Variants in TLDC2 observed in about 807,000 individuals in gnomAD.
TLDC2 encodes the protein TBC/LysM-associated domain containing 2.
TLDC2 carries 23 observed loss-of-function variants against 27.9 expected under a neutral mutation model. That is an observed-to-expected ratio of 0.82 (90% CI 0.59 to 1.17). The LOEUF (loss-of-function observed/expected upper bound fraction) is 1.17. Ranked by LOEUF, TLDC2 falls within the 50% of genes most tolerant of loss-of-function variation. TLDC2 has a pLI of 0.00. For synonymous variants in TLDC2, 124 were observed against 107.4 expected (o/e 1.16, Z -0.96); for missense variants, 286 against 273.4 (o/e 1.05, Z -0.32).
rs963206349 is a variant in TLDC2, at chr20:36,880,665, C to G, written c.353C>G (p.Ala118Gly). The stretch of plus-strand genomic sequence containing the variant: ...ACTTCCACTTTCCAGATATTTGGAG[C>G]CTTCTCCTCCTCGGCTATCCGACTC... ...LRDQDGQIFG[A>G]FSSSAIRLSK... The change falls in exon 4 of 7, where the codon GCC becomes GGC. Residue 118 changes from alanine to glycine, a missense_variant. Physicochemically the swap from Ala to Gly is moderately conservative, Grantham distance 60. Transcript: ENST00000217320. 9.3e-6 allele frequency: 15 copies of G among 1,614,090 alleles called. No homozygotes were observed. In the Middle Eastern group the frequency reaches 4.9e-4, roughly 53 times the overall value.
intron 4 of TLDC2, among the ~76,000 whole-genome samples, chr20:36,883,419 G>A (rs546235254): frequency 1.1e-4 from 17 of 152,184 alleles, no homozygotes; most frequent in African/African-American, 3.9e-4. Context: ...TTACAGACAT[G>A]AGTGCTGCAT....
At chr20:36,885,001 C>T (rs976012536) in intron 4 of TLDC2, among the ~76,000 whole-genome samples, 2 of 150,758 alleles carry the variant, frequency 1.3e-5, no homozygotes, top group Non-Finnish European at 2.9e-5. Context: ...GCCTCAGCCT[C>T]CCGAGTAGCT....
At position 36,887,432 on chromosome 20, in the gene TLDC2, G is replaced by C. The variant is rs753197793; in HGVS notation, c.439-23G>C. 3.7e-6 allele frequency: 6 copies of C among 1,607,616 alleles called. No homozygotes were observed. The Admixed American group carries it at 1.0e-4, about 27-fold the overall frequency. ...GGGACTCGCTCGCTTAGTAACCTGAGCCTTTCCCTATGTATCACCCAGGTC... is the reference window on the plus strand; with the variant it reads ...GGGACTCGCTCGCTTAGTAACCTGACCCTTTCCCTATGTATCACCCAGGTC... On this transcript the variant is annotated intron_variant, in intron 4 of 6. Transcript: ENST00000217320.
chr20:36,884,087 C>G (rs952370104), intron 4 of TLDC2, among the ~76,000 whole-genome samples: 5 of 151,304 alleles, frequency 3.3e-5, no homozygotes, highest in Admixed American at 3.3e-4. Flanking sequence ...GAGTGAGACT[C>G]TGTCTTAAAC....
Position 36,876,165 on chromosome 20 carries a change from G to A in TLDC2, c.-10G>A. The A allele has an allele frequency of 6.2e-7, 1 of 1,614,162 alleles. No homozygotes were observed. Among genetic ancestry groups the A allele is most frequent in the East Asian group, 2.2e-5 (1 of 44,882 alleles). ...TCACTGCCCACGGCCGGCTGAGCAG[G>A]GACAGGAGAATGAGAGGCCTCCGCT... On this transcript the variant is annotated 5_prime_UTR_variant, in exon 1 of 7. Coordinates refer to ENST00000217320, the MANE Select transcript of TLDC2 (RefSeq NM_080628.3).
intron 6 of TLDC2, chr20:36,892,484 T>C (rs1990099726): frequency 5.4e-6 from 1 of 185,122 alleles, no homozygotes; most frequent in South Asian, 1.0e-4. Context: ...CAAAAAACAA[T>C]CATCTGTCAT....
At chr20:36,880,102 C>G in intron 3 of TLDC2, among the ~76,000 whole-genome samples, 1 of 95,982 alleles carries the variant, frequency 1.0e-5, no homozygotes, top group Admixed American at 1.3e-4. Flanking sequence ...TATATATATA[C>G]TTTTTTTTTG....
chr20:36,880,070 C>CATATATATATAT (rs1186641126), intron 3 of TLDC2, among the ~76,000 whole-genome samples: 30 of 73,062 alleles, frequency 4.1e-4, no homozygotes, highest in Non-Finnish European at 4.8e-4. Flanking sequence ...TATATATATA[C>CATATATATATAT]ATATATATAT....
intron 4 of TLDC2, among the ~76,000 whole-genome samples, chr20:36,882,314 AG>A (rs1989832108): frequency 6.6e-6 from 1 of 152,072 alleles, no homozygotes; most frequent in South Asian, 2.1e-4. Flanking sequence ...AGGCAGAGGC[AG>A]GAGGATCGCT....
Position 36,879,092 on chromosome 20 carries a change from T to C in TLDC2, c.241T>C (p.Phe81Leu), listed in dbSNP as rs1989741035. 3 of 1,614,038 alleles carry C rather than the reference T, an allele frequency of 1.9e-6. No homozygotes were observed. The highest frequency in any genetic ancestry group is 2.2e-5 in the South Asian group (2 of 91,084). The stretch of plus-strand genomic sequence containing the variant: ...CACCGGCCATCCCTGGAGTCTGGTC[T>C]TCTGCACGTCAAGGGACGGTTTCAG... ...RVTGHPWSLV[F>L]CTSRDGFSLQ... The change falls in exon 3 of 7, where the codon TTC becomes CTC. Residue 81 changes from phenylalanine to leucine, a missense_variant. By Grantham distance (22) the Phe-to-Leu change is conservative. Coordinates refer to ENST00000217320, the MANE Select transcript of TLDC2 (RefSeq NM_080628.3).
chr20:36,880,070 C>CATATATAT lies in TLDC2; in HGVS notation c.343-561_343-554dup, dbSNP rs1186641126. On this transcript the variant is annotated intron_variant, in intron 3 of 6. Coordinates refer to ENST00000217320, the MANE Select transcript of TLDC2 (RefSeq NM_080628.3). ...ATTACTTGTGTAGAATATATATATA[C>CATATATAT]ATATATATATATATATATATATATA... 8.8e-3 allele frequency among the ~76,000 whole-genome samples: 642 copies of CATATATAT among 72,998 alleles called. 17 individuals carry two copies. Among genetic ancestry groups the CATATATAT allele is most frequent in the African/African-American group, 0.012 (262 of 21,268 alleles). 47.9% of individuals were successfully genotyped at this position (72,998 alleles called of 152,430 possible).
chr20:36,879,057 C>T lies in TLDC2; in HGVS notation c.206C>T (p.Pro69Leu), dbSNP rs1989739786. Reference sequence around the variant, plus strand: ...TGTCCCCAGCTCAGCTTTCACTTCCCACCAAGAGTCACCGGCCATCCCTGG... The same window carrying T: ...TGTCCCCAGCTCAGCTTTCACTTCCTACCAAGAGTCACCGGCCATCCCTGG... ...SEIRQLSFHF[P>L]PRVTGHPWSL... Residue 69 changes from proline (P) to leucine (L), a missense_variant, in exon 3 of 7, where the codon CCA becomes CTA. Pro to Leu is a moderately conservative substitution (Grantham distance 98). Coordinates refer to ENST00000217320, the MANE Select transcript of TLDC2 (RefSeq NM_080628.3). 1 of 1,614,126 alleles carries T rather than the reference C, an allele frequency of 6.2e-7. No homozygotes were observed. Among genetic ancestry groups the T allele is most frequent in the Non-Finnish European group, 8.5e-7 (1 of 1,180,054 alleles).
At chr20:36,886,108 G>A (rs1989915305) in intron 4 of TLDC2, among the ~76,000 whole-genome samples, 1 of 152,166 alleles carries the variant, frequency 6.6e-6, no homozygotes, top group African/African-American at 2.4e-5. Flanking sequence ...AGAGCTGGCT[G>A]CACTTTTTAA....
upstream of TLDC2, chr20:36,876,123 C>T (rs1568745472): frequency 6.2e-7 from 1 of 1,612,138 alleles, no homozygotes; most frequent in Non-Finnish European, 8.5e-7. Context: ...CCTTCCTGGG[C>T]AGGGCTGAGG....
In TLDC2 at chr20:36,880,070, C is replaced by CATATATATATATATATATGTATAT. The variant is rs1989768393; in HGVS notation, c.343-567_343-566insGTATATATATATATATATATATAT. Among the ~76,000 whole-genome samples the CATATATATATATATATATGTATAT allele has an allele frequency of 7.8e-4, 57 of 73,060 alleles. 1 individual carries two copies. Among genetic ancestry groups the CATATATATATATATATATGTATAT allele is most frequent in the Non-Finnish European group, 1.0e-3 (39 of 37,284 alleles). The allele number at this position is 73,060 out of a possible 152,430, so 47.9% of individuals were successfully genotyped here. On this transcript the variant is annotated intron_variant, in intron 3 of 6. Transcript: ENST00000217320. ...ATTACTTGTGTAGAATATATATATA[C>CATATATATATATATATATGTATAT]ATATATATATATATATATATATATA...
intron 6 of TLDC2, chr20:36,889,641 G>A: frequency 2.8e-6 from 1 of 356,378 alleles, no homozygotes; most frequent in East Asian, 4.8e-5. Flanking sequence ...AAGCTAACAG[G>A]GTCTTAGAAA....
chr20:36,881,443 C>T (rs756327940), intron 4 of TLDC2, among the ~76,000 whole-genome samples: 1 of 151,010 alleles, frequency 6.6e-6, no homozygotes, highest in Non-Finnish European at 1.5e-5. Context: ...GATCCGGTAT[C>T]GCGGTCATCA....
At position 36,894,010 on chromosome 20, in the gene TLDC2, T is replaced by C. The variant is rs770533968; in HGVS notation, c.*1166T>C. 2.5e-6 allele frequency: 1 copy of C among 398,392 alleles called. No individual in the cohort carries two copies. The highest frequency in any genetic ancestry group is 4.4e-6 in the Non-Finnish European group (1 of 225,970). 24.7% of individuals were successfully genotyped at this position (398,392 alleles called of 1,614,324 possible). On this transcript the variant is annotated 3_prime_UTR_variant, in exon 7 of 7. Coordinates refer to ENST00000217320, the MANE Select transcript of TLDC2 (RefSeq NM_080628.3). ...GCACGAGCGGCAGTGGCAGTGACTA[T>C]TCTGTGGTTCTAGCTTTTGCAGGTG...
chr20:36,880,070 C>CATATATATATATATATAT (rs1186641126), intron 3 of TLDC2, among the ~76,000 whole-genome samples: 5 of 73,058 alleles, frequency 6.8e-5, no homozygotes, highest in African/African-American at 1.9e-4. Context: ...TATATATATA[C>CATATATATATATATATAT]ATATATATAT....
Sources: allele counts gnomAD v4.1 joint callset (sites outside exome capture counted in the v4.1 genomes callset), GRCh38; gene constraint gnomAD v4.1.1; transcripts MANE v1.5; gene names NCBI Gene and HGNC (gene_info 2026-07-23, HGNC 2026-07-21).